Variants in RGS6 observed in about 807,000 individuals in gnomAD.
The protein encoded by RGS6 is regulator of G protein signaling 6.
In RGS6, 30 loss-of-function variants were observed where a neutral mutation model predicts 78.5. The observed-to-expected ratio is 0.38, with a 90% CI of 0.29 to 0.52. The LOEUF is 0.52. RGS6 is among the 20% of genes least tolerant of loss of function. The probability of loss-of-function intolerance (pLI) is 0.85; values close to 1 mark genes in which losing one functional copy is unlikely to be tolerated. For synonymous variants in RGS6, 206 were observed against 206.0 expected (o/e 1.00, Z 0.00); for missense variants, 495 against 609.7 (o/e 0.81, Z 1.98).
At chr14:72,619,201 G>T in the RGS6 span, 3 of 1,239,038 alleles carry the variant, frequency 2.4e-6, no homozygotes, top group African/African-American at 3.0e-5. Flanking sequence ...CTTGCAGTTG[G>T]TCTGGCTGGA....
intron 2 of RGS6, among the ~76,000 whole-genome samples, chr14:72,064,536 A>C (rs2094043799): frequency 6.6e-6 from 1 of 152,186 alleles, no homozygotes; most frequent in African/African-American, 2.4e-5. Context: ...TTAGTCAACT[A>C]TTTCTGTGTC....
At chr14:72,123,100 G>T (rs2096095956) in intron 2 of RGS6, among the ~76,000 whole-genome samples, 1 of 152,092 alleles carries the variant, frequency 6.6e-6, no homozygotes, top group Non-Finnish European at 1.5e-5. Flanking sequence ...CCAGGTAGCT[G>T]GGATTATAGG....
intron 1 of RGS6, among the ~76,000 whole-genome samples, chr14:71,948,167 G>A (rs1174430924): frequency 6.6e-6 from 1 of 152,028 alleles, no homozygotes; most frequent in Non-Finnish European, 1.5e-5. Flanking sequence ...AGAAGAAGAA[G>A]ATGGTCACTA....
intron 3 of RGS6, among the ~76,000 whole-genome samples, chr14:72,372,498 AATGGCAGAAAC>A (rs2083714020): frequency 6.6e-6 from 1 of 152,340 alleles, no homozygotes; most frequent in South Asian, 2.1e-4. Context: ...TATAAGAATT[AATGGCAGAAAC>A]ATTTGAGCTT....
the RGS6 span, among the ~76,000 whole-genome samples, chr14:71,899,615 A>G: frequency 6.6e-6 from 1 of 152,234 alleles, no homozygotes; most frequent in Admixed American, 6.5e-5. Flanking sequence ...ACCAATCAAT[A>G]TGTGCTATTC....
chr14:72,406,339 G>A (rs1366842725), intron 3 of RGS6, among the ~76,000 whole-genome samples: 3 of 152,040 alleles, frequency 2.0e-5, no homozygotes, highest in Non-Finnish European at 1.5e-5. Flanking sequence ...AGATGAGATC[G>A]TGCCACTGCA....
intron 13 of RGS6, among the ~76,000 whole-genome samples, chr14:72,495,747 A>C (rs967658888): frequency 2.0e-5 from 3 of 152,218 alleles, no homozygotes; most frequent in Non-Finnish European, 4.4e-5. Context: ...CTAGTACAGC[A>C]GAGTTAGGAC....
intron 2 of RGS6, among the ~76,000 whole-genome samples, chr14:72,155,754 T>G (rs553878932): frequency 1.3e-5 from 2 of 152,368 alleles, no homozygotes; most frequent in African/African-American, 4.8e-5. Context: ...CAATTTCCCC[T>G]TCTAATATCA....
chr14:72,181,607 T>C (rs1238098191), intron 2 of RGS6, among the ~76,000 whole-genome samples: 1 of 152,238 alleles, frequency 6.6e-6, no homozygotes, highest in African/African-American at 2.4e-5. Flanking sequence ...ATGTGCTATA[T>C]ACTGATTTGC....
rs2096266613 is a variant in RGS6, at chr14:72,129,258, G to A, written c.84+164383G>A. On this transcript the variant is annotated intron_variant, in intron 2 of 17. Transcript: ENST00000553525. ...AGCTTTATGAAAGAAGGAAACAAGT[G>A]AATGAGATAATTCGGCTGAGAGCTC... Among the ~76,000 whole-genome samples the A allele has an allele frequency of 2.0e-5, 3 of 152,286 alleles. 1 individual carries two copies. The South Asian group carries it at 6.2e-4, about 32-fold the overall frequency.
intron 3 of RGS6, among the ~76,000 whole-genome samples, chr14:72,398,194 GT>G (rs1337878401): frequency 6.6e-6 from 1 of 152,074 alleles, no homozygotes; most frequent in Non-Finnish European, 1.5e-5. Context: ...ACTTTTTTTG[GT>G]TGGTAAGCTA....
chr14:72,460,084 T>G (rs574953177), intron 6 of RGS6, among the ~76,000 whole-genome samples: 11 of 152,288 alleles, frequency 7.2e-5, no homozygotes, highest in Admixed American at 2.6e-4. Flanking sequence ...TCTCATAGAC[T>G]TGTCAAAACT....
intron 12 of RGS6, among the ~76,000 whole-genome samples, chr14:72,487,631 AG>A (rs1308751167): frequency 6.6e-6 from 1 of 152,192 alleles, no homozygotes; most frequent in Admixed American, 6.5e-5. Flanking sequence ...TGCAGATGGA[AG>A]GGGGCCACGA....
chr14:72,014,267 A>C (rs1219999952), intron 2 of RGS6, among the ~76,000 whole-genome samples: 2 of 152,242 alleles, frequency 1.3e-5, no homozygotes, highest in African/African-American at 4.8e-5. Context: ...GCTGAATTAA[A>C]AAAGTCAGAC....
chr14:72,430,464 T>C (rs1232309294), intron 3 of RGS6, among the ~76,000 whole-genome samples: 1 of 152,192 alleles, frequency 6.6e-6, no homozygotes, highest in Non-Finnish European at 1.5e-5. Flanking sequence ...AATTCTCTTC[T>C]GCAGACAGAG....
At chr14:72,060,833 A>AT (rs1262818370) in intron 2 of RGS6, among the ~76,000 whole-genome samples, 2 of 152,164 alleles carry the variant, frequency 1.3e-5, no homozygotes, top group African/African-American at 4.8e-5. Flanking sequence ...TTTACTTTTA[A>AT]TTTTTTTAGC....
At chr14:71,909,782 A>G in the RGS6 span, among the ~76,000 whole-genome samples, 1 of 152,180 alleles carries the variant, frequency 6.6e-6, no homozygotes, top group East Asian at 1.9e-4. Flanking sequence ...ATCCCAAACT[A>G]CAGGCAAGGG....
the RGS6 span, among the ~76,000 whole-genome samples, chr14:72,588,185 C>A: frequency 6.6e-6 from 1 of 152,066 alleles, no homozygotes; most frequent in East Asian, 1.9e-4. Context: ...GTGAGATAGC[C>A]CCCAGGGGTT....
At chr14:71,935,676 T>G (rs2089009186) in intron 1 of RGS6, among the ~76,000 whole-genome samples, 1 of 152,154 alleles carries the variant, frequency 6.6e-6, no homozygotes, top group Admixed American at 6.5e-5. Context: ...TTGGCCATTG[T>G]GGGTGGGAGA....
Sources: allele counts gnomAD v4.1 joint callset (sites outside exome capture counted in the v4.1 genomes callset), GRCh38; gene constraint gnomAD v4.1.1; transcripts MANE v1.5; gene names NCBI Gene and HGNC (gene_info 2026-07-23, HGNC 2026-07-21).